SOAT1: variants seen among roughly 807,000 people sequenced by gnomAD.
SOAT1 encodes the protein acyl-coenzyme A:cholesterol acyltransferase 1.
SOAT1 carries 55 observed loss-of-function variants against 69.5 expected under a neutral mutation model. That is an observed-to-expected ratio of 0.79 (90% confidence interval 0.64 to 0.99). The LOEUF is 0.99. Ranked by LOEUF, SOAT1 falls within the 50% of genes least tolerant of loss-of-function variation. The probability of loss-of-function intolerance (pLI) is 0.00; values close to 1 mark genes in which losing one functional copy is unlikely to be tolerated. For missense variants in SOAT1, 580 were observed against 669.3 expected (o/e 0.87, Z 1.47); for synonymous variants, 231 against 224.7 (o/e 1.03, Z -0.25).
intron 3 of SOAT1, among the ~76,000 whole-genome samples, chr1:179,324,650 T>A (rs1665716260): frequency 6.6e-6 from 1 of 152,256 alleles, no homozygotes; most frequent in Non-Finnish European, 1.5e-5. Context: ...GTGATGAAGA[T>A]CATTTCTGAT....
chr1:179,326,499 G>C (rs1347018793), intron 3 of SOAT1, among the ~76,000 whole-genome samples: 2 of 148,482 alleles, frequency 1.3e-5, no homozygotes, highest in South Asian at 2.1e-4. Context: ...ATTATTTGCT[G>C]TCTAATGAGA....
At chr1:179,315,369 C>T (rs1031963786) in intron 2 of SOAT1, among the ~76,000 whole-genome samples, 2 of 151,462 alleles carry the variant, frequency 1.3e-5, no homozygotes, top group Non-Finnish European at 2.9e-5. Flanking sequence ...GAGGCTGAGG[C>T]GGGAGGATCC....
At position 179,355,786 on chromosome 1, in the gene SOAT1, G is replaced by A. The variant is rs77484625; in HGVS notation, c.*2145G>A. On this transcript the variant is annotated 3_prime_UTR_variant, in exon 16 of 16. Transcript: ENST00000367619. ...CTGACCTTGTGATCTGCCCACCTCAGCCTCCCAAAGTGCTGGGAAGACAGG... is the reference window on the plus strand; with the variant it reads ...CTGACCTTGTGATCTGCCCACCTCAACCTCCCAAAGTGCTGGGAAGACAGG... The A allele has an allele frequency of 6.6e-6, 1 of 152,350 alleles. No homozygotes were observed. The highest frequency in any genetic ancestry group is 3.4e-3 in the Middle Eastern group (1 of 296). The allele number at this position is 152,350 out of a possible 1,614,324, so 9.4% of individuals were successfully genotyped here.
chr1:179,331,762 A>G (rs1665983278), intron 3 of SOAT1, among the ~76,000 whole-genome samples: 1 of 152,132 alleles, frequency 6.6e-6, no homozygotes, highest in South Asian at 2.1e-4. Flanking sequence ...TTATCAGGAG[A>G]CCTTTCTGAG....
chr1:179,324,188 A>G (rs942782543), intron 3 of SOAT1, among the ~76,000 whole-genome samples: 1 of 152,256 alleles, frequency 6.6e-6, no homozygotes, highest in Non-Finnish European at 1.5e-5. Flanking sequence ...ATATGCATTT[A>G]TAGAATAATC....
At chr1:179,346,209 A>G (rs1429325907) in intron 11 of SOAT1, among the ~76,000 whole-genome samples, 1 of 152,106 alleles carries the variant, frequency 6.6e-6, no homozygotes, top group African/African-American at 2.4e-5. Context: ...TACATACTTG[A>G]GTGTCTTCCT....
chr1:179,342,929 T>C lies in SOAT1; in HGVS notation c.927T>C (p.Arg309=). 6.2e-7 allele frequency: 1 copy of C among 1,613,012 alleles called. No individual in the cohort carries two copies. The highest frequency in any genetic ancestry group is 1.1e-5 in the South Asian group (1 of 91,032). ...TATTTGCTCCTACCCTTATCTACCG[T>C]GACAGCTATCCCAGGTAATGGTACT... The part of the protein sequence containing the change: ...YFLFAPTLIY[R]DSYPRNPTVR... Residue 309 remains arginine (R), a synonymous_variant, in exon 9 of 16, where the codon CGT becomes CGC. Transcript: ENST00000367619.
At position 179,326,589 on chromosome 1, in the gene SOAT1, A is replaced by T. The variant is rs188524167; in HGVS notation, c.177+3094A>T. Among the ~76,000 whole-genome samples the T allele has an allele frequency of 5.2e-4, 68 of 130,298 alleles. No homozygotes were observed. The East Asian group carries it at 0.012, about 23-fold the overall frequency. 85.5% of individuals were successfully genotyped at this position (130,298 alleles called of 152,430 possible). ...TTTTTTTTTTTTGAGACAGAGTTTCACTGTGTCGCCCAGGCTGGAGTGCAG... is the reference window on the plus strand; with the variant it reads ...TTTTTTTTTTTTGAGACAGAGTTTCTCTGTGTCGCCCAGGCTGGAGTGCAG... On this transcript the variant is annotated intron_variant, in intron 3 of 15. Transcript: ENST00000367619.
rs780531503 is a variant in SOAT1 at position 179,341,159 on chromosome 1, A to G, written c.629A>G (p.Tyr210Cys). ...CTGTTTCAACATTGGGCCACTGGCT[A>G]TAGCAAGAGTTCTCATCCGCTGATC... is the stretch of plus-strand genomic sequence containing the variant. ...YFLFQHWATG[Y>C]SKSSHPLIRS... The change falls in exon 7 of 16, where the codon TAT (tyrosine) becomes TGT (cysteine). Residue 210 changes from tyrosine to cysteine, a missense_variant. Coordinates refer to ENST00000367619, the MANE Select transcript of SOAT1 (RefSeq NM_003101.6). 8.7e-6 allele frequency: 14 copies of G among 1,614,132 alleles called. No individual in the cohort carries two copies. Among genetic ancestry groups the G allele is most frequent in the Admixed American group, 1.7e-5 (1 of 60,012 alleles).
At chr1:179,333,793 G>A (rs7532177) in intron 3 of SOAT1, among the ~76,000 whole-genome samples, 74,997 of 149,998 alleles carry the variant, frequency 0.5, 19,602 homozygotes, top group East Asian at 0.84. Context: ...GTATCATGCC[G>A]TTGCCCTCTA....
intron 12 of SOAT1, among the ~76,000 whole-genome samples, chr1:179,348,550 A>C (rs187120616): frequency 1.9e-4 from 29 of 152,158 alleles, no homozygotes; most frequent in Non-Finnish European, 3.5e-4. Flanking sequence ...GATGAACATT[A>C]GATTTAAATG....
At chr1:179,342,747 T>G (rs1413464564) in intron 8 of SOAT1, 115 bp from the exon 9 acceptor site, 29 of 686,022 alleles carry the variant, frequency 4.2e-5, no homozygotes, top group Non-Finnish European at 5.3e-5. Flanking sequence ...AAAAAGAACA[T>G]GAGCTGATAA....
rs200291571 is a variant in SOAT1, at chr1:179,351,440, G to A, written c.1574G>A (p.Arg525His). 36 of 1,613,814 alleles carry A rather than the reference G, an allele frequency of 2.2e-5. No individual in the cohort carries two copies. The East Asian group carries it at 6.7e-4, about 30-fold the overall frequency. The stretch of plus-strand genomic sequence containing the variant: ...TTTTATTCTCAAGAATGGTATGCAC[G>A]TCAGCACTGTCCTCTGAAAAATGTG... ...LCFYSQEWYA[R>H]QHCPLKNPTF... The change falls in exon 15 of 16, where the codon CGT (arginine) becomes CAT (histidine). Residue 525 changes from arginine to histidine, a missense_variant. Transcript: ENST00000367619.
Position 179,353,659 on chromosome 1 carries a change from C to T in SOAT1, c.*18C>T. 6.2e-7 allele frequency: 1 copy of T among 1,605,564 alleles called. No individual in the cohort carries two copies. Among genetic ancestry groups the T allele is most frequent in the Non-Finnish European group, 8.5e-7 (1 of 1,172,598 alleles). On this transcript the variant is annotated 3_prime_UTR_variant, in exon 16 of 16. Transcript: ENST00000367619. ...TGTTTTAGAAGCTTGGACTTTGTTT[C>T]CTCCTTGTCACTGAAGATTGGGTAG... is the stretch of plus-strand genomic sequence containing the variant.
In SOAT1 at chr1:179,339,492, CCTCATT is replaced by C; in HGVS notation, c.448_453del (p.Ile150_Leu151del). On this transcript the variant is annotated inframe_deletion, in exon 6 of 16. Transcript: ENST00000367619. ...CAATATATCACATGTTTATTGCCCTCCTCATTCTCTTTATCCTCAGCACACTTGTAG... is the reference window on the plus strand; with the variant it reads ...CAATATATCACATGTTTATTGCCCTCCTCTTTATCCTCAGCACACTTGTAG... The C allele has an allele frequency of 6.2e-7, 1 of 1,613,208 alleles. No individual in the cohort carries two copies. Among genetic ancestry groups the C allele is most frequent in the Non-Finnish European group, 8.5e-7 (1 of 1,179,636 alleles).
intron 3 of SOAT1, among the ~76,000 whole-genome samples, chr1:179,330,525 T>G (rs1665935817): frequency 6.6e-6 from 1 of 152,166 alleles, no homozygotes; most frequent in Non-Finnish European, 1.5e-5. Flanking sequence ...CTTTCTTTAG[T>G]CTTACAAAGG....
At position 179,314,421 on chromosome 1, in the gene SOAT1, C is replaced by T. The variant is rs555549399; in HGVS notation, c.119-9016C>T. Among the ~76,000 whole-genome samples, 17 of 152,254 alleles carry T rather than the reference C, an allele frequency of 1.1e-4. No homozygotes were observed. The East Asian group carries it at 2.9e-3, about 26-fold the overall frequency. On this transcript the variant is annotated intron_variant, in intron 2 of 15. Transcript: ENST00000367619. ...AGAAGTGTACGATTGTTAGGGAGAA[C>T]CCTGTGGAAGCAGCCTAGGTAGAAA...
intron 2 of SOAT1, among the ~76,000 whole-genome samples, chr1:179,320,576 T>TG (rs1223058377): frequency 6.6e-6 from 1 of 152,160 alleles, no homozygotes; most frequent in Non-Finnish European, 1.5e-5. Flanking sequence ...ATAGAAAAAT[T>TG]GGGGAGCACT....
intron 13 of SOAT1, among the ~76,000 whole-genome samples, chr1:179,349,525 C>T (rs1666652554): frequency 6.6e-6 from 1 of 151,972 alleles, no homozygotes; most frequent in South Asian, 2.1e-4. Flanking sequence ...TGGTGTTTCT[C>T]CATGTTGGTC....
Sources: allele counts gnomAD v4.1 joint callset (sites outside exome capture counted in the v4.1 genomes callset), GRCh38; gene constraint gnomAD v4.1.1; transcripts MANE v1.5; gene names NCBI Gene and HGNC (gene_info 2026-07-23, HGNC 2026-07-21).